Variants in SSH2 observed in about 807,000 individuals in gnomAD.
SSH2 encodes the protein protein phosphatase Slingshot homolog 2.
SSH2 carries 37 observed loss-of-function variants against 135.2 expected under a neutral mutation model. The observed-to-expected ratio is 0.27, with a 90% CI of 0.21 to 0.36. SSH2 has a LOEUF of 0.36. Ranked by LOEUF, SSH2 falls within the 10% of genes least tolerant of loss-of-function variation. The probability of loss-of-function intolerance (pLI) is 1.00; values close to 1 mark genes in which losing one functional copy is unlikely to be tolerated. For missense variants in SSH2, 1,408 were observed against 1,765.3 expected, an observed-to-expected ratio of 0.80 and a Z score of 3.63; for synonymous variants, 628 against 646.2, an observed-to-expected ratio of 0.97 and a Z score of 0.43.
At chr17:29,793,732 C>T in intron 3 of SSH2, 162 bp downstream of exon 3, 3 of 557,500 alleles carry the variant, frequency 5.4e-6, no homozygotes, top group Non-Finnish European at 9.5e-6. Context: ...CACAAAATAC[C>T]ATGCCCAGGT....
chr17:29,813,924 G>A (rs992621985), intron 2 of SSH2, among the ~76,000 whole-genome samples: 4 of 151,228 alleles, frequency 2.6e-5, no homozygotes, highest in African/African-American at 9.7e-5. Flanking sequence ...CAGGTCAGGA[G>A]ATCAAGACCA....
At position 29,650,749 on chromosome 17, in the gene SSH2, T is replaced by G; in HGVS notation, c.1131A>C (p.Gly377=). 1 of 1,613,950 alleles carries G rather than the reference T, an allele frequency of 6.2e-7. No individual in the cohort carries two copies. Among genetic ancestry groups the G allele is most frequent in the Non-Finnish European group, 8.5e-7 (1 of 1,179,940 alleles). The change falls in exon 13 of 16, where the codon GGA becomes GGC. Residue 377 remains glycine, a synonymous_variant. Transcript: ENST00000540801. ...VTREIDNFFP[G]VFEYHNIRVY... is the part of the protein sequence containing the mutation. ...CCCGAATGTTATGATACTCAAAGAC[T>G]CCTGGGAAGAAGTTATCTATCTCTC...
Position 29,632,357 on chromosome 17 carries a change from G to A in SSH2, c.2837C>T (p.Pro946Leu). ...TTCCTTGAGGACAAATGAATGTTCT[G>A]GGGGGGCTTCATCACTTTTCCCTTT... ...APKGKSDEAP[P>L]EHSFVLKEPE... is the part of the protein sequence containing the mutation. The change falls in exon 16 of 16, where the codon CCA (proline) becomes CTA (leucine). Residue 946 changes from proline (P) to leucine (L), a missense_variant. By Grantham distance (98) the Pro-to-Leu change is moderately conservative. Around this residue, in one of 3 missense-constraint regions of SSH2, gnomAD observed 1,080 missense variants for 1,144.5 expected, o/e 0.94. Transcript: ENST00000540801. 1.2e-6 allele frequency: 2 copies of A among 1,613,900 alleles called. No individual in the cohort carries two copies. The highest frequency in any genetic ancestry group is 1.7e-6 in the Non-Finnish European group (2 of 1,179,840).
intron 3 of SSH2, among the ~76,000 whole-genome samples, chr17:29,790,883 C>A (rs577189670): frequency 6.6e-6 from 1 of 151,560 alleles, no homozygotes; most frequent in South Asian, 2.1e-4. Context: ...CTCATGCCAC[C>A]ACACCCAGCT....
chr17:29,787,380 T>C (rs2041987131), intron 3 of SSH2: 1 of 152,250 alleles, frequency 6.6e-6, no homozygotes, highest in African/African-American at 2.4e-5. Flanking sequence ...TCATCGTTGA[T>C]GAACACTTGG....
At chr17:29,784,468 G>C (rs1354029072) in intron 3 of SSH2, among the ~76,000 whole-genome samples, 2 of 151,796 alleles carry the variant, frequency 1.3e-5, no homozygotes, top group Non-Finnish European at 2.9e-5. Flanking sequence ...GTGGTGACGG[G>C]TGCCTGTAAT....
intron 2 of SSH2, among the ~76,000 whole-genome samples, chr17:29,814,284 A>G (rs2042511373): frequency 1.4e-5 from 2 of 145,818 alleles, no homozygotes; most frequent in Admixed American, 1.4e-4. Flanking sequence ...AAATACAAAA[A>G]ATTAGCCGGG....
chr17:29,731,862 T>C (rs896767203), intron 3 of SSH2, among the ~76,000 whole-genome samples: 2 of 152,180 alleles, frequency 1.3e-5, no homozygotes, highest in Non-Finnish European at 2.9e-5. Flanking sequence ...AATTTGTTCA[T>C]TCATTGGATC....
At chr17:29,660,931 C>T (rs1023549382) in intron 11 of SSH2, among the ~76,000 whole-genome samples, 11 of 151,700 alleles carry the variant, frequency 7.3e-5, no homozygotes, top group Non-Finnish European at 1.0e-4. Flanking sequence ...GTGGTGCGTG[C>T]GTGCCTGTAA....
At chr17:29,709,367 A>G (rs1290909264) in intron 3 of SSH2, among the ~76,000 whole-genome samples, 2 of 152,204 alleles carry the variant, frequency 1.3e-5, no homozygotes, top group Non-Finnish European at 2.9e-5. Context: ...CCTTTTCAAC[A>G]GAATAGAATT....
chr17:29,893,868 T>C (rs1225980613), intron 1 of SSH2, among the ~76,000 whole-genome samples: 1 of 152,170 alleles, frequency 6.6e-6, no homozygotes, highest in Non-Finnish European at 1.5e-5. Flanking sequence ...CTATCTTAAA[T>C]AACAAATTGA....
chr17:29,911,598 T>C (rs115790926), intron 1 of SSH2, among the ~76,000 whole-genome samples: 252 of 152,300 alleles, frequency 1.7e-3, no homozygotes, highest in African/African-American at 5.7e-3. Context: ...ACTTAATTAC[T>C]ATGCTATATT....
intron 9 of SSH2, among the ~76,000 whole-genome samples, chr17:29,670,648 C>A (rs1037024139): frequency 6.6e-6 from 1 of 152,174 alleles, no homozygotes; most frequent in Non-Finnish European, 1.5e-5. Context: ...GTGGCATGCG[C>A]CTGTAATCCC....
chr17:29,679,563 C>T (rs1369471148), intron 6 of SSH2, among the ~76,000 whole-genome samples: 3 of 152,098 alleles, frequency 2.0e-5, no homozygotes, highest in South Asian at 2.1e-4. Context: ...TGCACTACCA[C>T]GCCCAGCTAA....
chr17:29,663,968 T>G (rs1376269180), intron 11 of SSH2, among the ~76,000 whole-genome samples: 1 of 152,238 alleles, frequency 6.6e-6, no homozygotes, highest in African/African-American at 2.4e-5. Flanking sequence ...ATGGGAAATC[T>G]CTATACCTTT....
chr17:29,716,543 T>C, intron 3 of SSH2: 1 of 723,072 alleles, frequency 1.4e-6, no homozygotes, highest in South Asian at 1.3e-5. Flanking sequence ...CATTCCTTTT[T>C]GAACAGTACC....
At chr17:29,673,924 A>G (rs970276959) in intron 8 of SSH2, 3 of 318,962 alleles carry the variant, frequency 9.4e-6, no homozygotes, top group Non-Finnish European at 1.3e-5. Context: ...TTTTTCAATC[A>G]TTTGTTTTTT....
chr17:29,808,220 C>T (rs1227012160), intron 2 of SSH2, among the ~76,000 whole-genome samples: 1 of 152,174 alleles, frequency 6.6e-6, no homozygotes, highest in African/African-American at 2.4e-5. Flanking sequence ...CTTCCGCCTC[C>T]CAGGTTCAAG....
intron 3 of SSH2, among the ~76,000 whole-genome samples, chr17:29,767,249 A>G (rs2041468119): frequency 6.6e-6 from 1 of 152,180 alleles, no homozygotes; most frequent in Non-Finnish European, 1.5e-5. Flanking sequence ...TCAGGTTACA[A>G]AAGCCCCAAA....
Sources: allele counts gnomAD v4.1 joint callset (sites outside exome capture counted in the v4.1 genomes callset), GRCh38; gene constraint gnomAD v4.1.1; regional missense constraint gnomAD v4.1.1; transcripts MANE v1.5; gene names NCBI Gene and HGNC (gene_info 2026-07-23, HGNC 2026-07-21).